The following ROR2 variants were observed in gnomAD, a reference collection of about 807,000 sequenced individuals.
ROR2 encodes the protein tyrosine-protein kinase transmembrane receptor ROR2.
A neutral mutation model predicts 74.9 loss-of-function variants in ROR2; 33 were observed. The ratio of observed to expected loss-of-function variants is 0.44; its 90% CI spans 0.33 to 0.59. ROR2 has a LOEUF of 0.59. Among genes scored for constraint, ROR2 ranks in the 20% least tolerant of loss-of-function variants. The pLI is 0.02. For missense variants in ROR2, 1,216 were observed against 1,313.8 expected, an observed-to-expected ratio of 0.93 and a Z score of 1.15; for synonymous variants, 586 against 558.7, an observed-to-expected ratio of 1.05 and a Z score of -0.69.
chr9:91,780,889 G>T (rs994004238), intron 1 of ROR2, among the ~76,000 whole-genome samples: 2 of 152,190 alleles, frequency 1.3e-5, no homozygotes, highest in Non-Finnish European at 2.9e-5. Flanking sequence ...ATTAACAGCA[G>T]TCACACCATT....
intron 1 of ROR2, among the ~76,000 whole-genome samples, chr9:91,896,689 C>T (rs1830545953): frequency 1.3e-5 from 2 of 152,154 alleles, no homozygotes; most frequent in African/African-American, 2.4e-5. Context: ...GAAATGTTCA[C>T]ATGTATGTTG....
At chr9:91,835,993 T>C (rs1458113320) in intron 1 of ROR2, among the ~76,000 whole-genome samples, 1 of 152,226 alleles carries the variant, frequency 6.6e-6, no homozygotes, top group Non-Finnish European at 1.5e-5. Context: ...CCAGCCGTGT[T>C]TGGTAAAATC....
At chr9:91,928,347 G>A (rs985889058) in intron 1 of ROR2, among the ~76,000 whole-genome samples, 16 of 152,182 alleles carry the variant, frequency 1.1e-4, no homozygotes, top group African/African-American at 3.9e-4. Context: ...GCGTGGCATG[G>A]CAGGTACCCT....
At chr9:91,737,647 A>AT (rs1283689144) in intron 4 of ROR2, 129 bp from the exon 5 acceptor site, 15 of 1,252,232 alleles carry the variant, frequency 1.2e-5, no homozygotes, top group Non-Finnish European at 1.7e-5. Flanking sequence ...GTAAATTTAA[A>AT]TAAGTAGAAC....
chr9:91,722,696 T>A lies in ROR2; in HGVS notation c.*966A>T, dbSNP rs1836843210. 1.3e-6 allele frequency: 1 copy of A among 756,130 alleles called. No homozygotes were observed. Among genetic ancestry groups the A allele is most frequent in the African/African-American group, 1.7e-5 (1 of 58,866 alleles). 46.8% of individuals were successfully genotyped at this position (756,130 alleles called of 1,614,324 possible). A position where few individuals can be genotyped will look rare whatever the true frequency, so the allele number is the denominator to read the frequency against. ...ACAGACGGCTGCCTGTGGGTCTGTG[T>A]GTAACAGGGGCTGTAAAATGAATGG... is the stretch of plus-strand genomic sequence containing the variant. On this transcript the variant is annotated 3_prime_UTR_variant, in exon 9 of 9. Coordinates refer to ENST00000375708, the MANE Select transcript of ROR2 (RefSeq NM_004560.4).
intron 1 of ROR2, among the ~76,000 whole-genome samples, chr9:91,840,837 G>A (rs1331131700): frequency 6.6e-6 from 1 of 152,250 alleles, no homozygotes; most frequent in Non-Finnish European, 1.5e-5. Context: ...AAGGACCTGA[G>A]ATCCACACCC....
intron 1 of ROR2, among the ~76,000 whole-genome samples, chr9:91,844,646 G>C (rs989338832): frequency 6.6e-6 from 1 of 152,164 alleles, no homozygotes; most frequent in African/African-American, 2.4e-5. Context: ...CTGCAGCCCC[G>C]GATGGGCCCC....
chr9:91,829,722 C>T (rs1265498990), intron 1 of ROR2, among the ~76,000 whole-genome samples: 2 of 152,140 alleles, frequency 1.3e-5, no homozygotes, highest in Non-Finnish European at 2.9e-5. Flanking sequence ...GACCAGCTGA[C>T]GCCTTCCTAC....
intron 1 of ROR2, among the ~76,000 whole-genome samples, chr9:91,893,004 TG>T (rs1299393833): frequency 6.6e-6 from 1 of 152,026 alleles, no homozygotes; most frequent in Non-Finnish European, 1.5e-5. Context: ...AAACCAAGGG[TG>T]AAGTGAAAAG....
chr9:91,737,068 C>T (rs1258464064), intron 5 of ROR2, among the ~76,000 whole-genome samples: 1 of 152,218 alleles, frequency 6.6e-6, no homozygotes, highest in Non-Finnish European at 1.5e-5. Flanking sequence ...GCCAGTGTGG[C>T]AGGCCCGGGG....
intron 1 of ROR2, among the ~76,000 whole-genome samples, chr9:91,832,359 C>T (rs907212136): frequency 4.3e-5 from 4 of 91,970 alleles, no homozygotes; most frequent in African/African-American, 8.7e-5. Flanking sequence ...CTTCTGGGGT[C>T]ACAATGGCAA....
intron 1 of ROR2, among the ~76,000 whole-genome samples, chr9:91,890,567 C>T (rs1227234907): frequency 6.6e-6 from 1 of 152,172 alleles, no homozygotes. Context: ...GCAATGCATC[C>T]GGAAGCTAAT....
intron 1 of ROR2, among the ~76,000 whole-genome samples, chr9:91,923,193 G>A (rs1008971112): frequency 2.6e-5 from 4 of 152,162 alleles, no homozygotes; most frequent in Non-Finnish European, 5.9e-5. Flanking sequence ...AAGTACTTAT[G>A]ACTGGCCAAA....
At chr9:91,884,042 C>T (rs1380225153) in intron 1 of ROR2, among the ~76,000 whole-genome samples, 1 of 152,200 alleles carries the variant, frequency 6.6e-6, no homozygotes, top group Non-Finnish European at 1.5e-5. Flanking sequence ...GGAGCTAGAA[C>T]CAAAGCTCAC....
At chr9:91,863,455 TATAGATAG>T (rs556240848) in intron 1 of ROR2, among the ~76,000 whole-genome samples, 5 of 151,996 alleles carry the variant, frequency 3.3e-5, no homozygotes, top group Non-Finnish European at 5.9e-5. Flanking sequence ...CCCCACTGTC[TATAGATAG>T]ATAGATAGAT....
intron 1 of ROR2, among the ~76,000 whole-genome samples, chr9:91,777,442 T>C (rs1412848909): frequency 1.3e-5 from 2 of 152,096 alleles, no homozygotes; most frequent in Non-Finnish European, 2.9e-5. Context: ...CAAAATGTTA[T>C]TATTAGTTAT....
intron 1 of ROR2, among the ~76,000 whole-genome samples, chr9:91,851,207 C>T (rs1829078188): frequency 6.6e-6 from 1 of 151,966 alleles, no homozygotes; most frequent in African/African-American, 2.4e-5. Context: ...AAAAAATTAG[C>T]CAGGTATGGT....
In ROR2 at chr9:91,825,545, G is replaced by C. The variant is rs539745035; in HGVS notation, c.98-49727C>G. Among the ~76,000 whole-genome samples the C allele has an allele frequency of 2.2e-4, 34 of 152,278 alleles. 1 individual carries two copies. The Middle Eastern group carries it at 0.014, about 61-fold the overall frequency. On this transcript the variant is annotated intron_variant, in intron 1 of 8. Coordinates refer to ENST00000375708, the MANE Select transcript of ROR2 (RefSeq NM_004560.4). ...GACTTGGACAGGAACATCTGCCTGA[G>C]ACCCAGGCAGGGGGAGAAGGTGGGT...
At chr9:91,909,860 T>TAG (rs1173377178) in intron 1 of ROR2, among the ~76,000 whole-genome samples, 1 of 127,576 alleles carries the variant, frequency 7.8e-6, no homozygotes, top group African/African-American at 3.2e-5. Flanking sequence ...TTTTTTTTTT[T>TAG]TTTTTTTTTT....
Sources: gnomAD v4.1 joint callset for allele counts (sites outside exome capture counted in the v4.1 genomes callset) on GRCh38, gnomAD v4.1.1 for gene constraint, MANE v1.5 for transcripts, NCBI Gene and HGNC (gene_info 2026-07-23, HGNC 2026-07-21) for gene names.